Variants in TOLLIP observed in about 807,000 individuals in gnomAD.
TOLLIP encodes the protein toll interacting protein.
In TOLLIP, 16 loss-of-function variants were observed where a neutral mutation model predicts 33.5. The observed-to-expected ratio is 0.48, with a 90% CI of 0.32 to 0.72. The LOEUF is 0.72. Ranked by LOEUF, TOLLIP falls within the 30% of genes least tolerant of loss-of-function variation. The pLI is 0.03. For synonymous variants in TOLLIP, 176 were observed against 163.7 expected (o/e 1.07, Z -0.57); for missense variants, 325 against 396.6 (o/e 0.82, Z 1.53).
In TOLLIP at chr11:1,286,198, C is replaced by T. The variant is rs568580930; in HGVS notation, c.520-106G>A. Reference sequence around the variant, plus strand: ...TGCCCTCCCCACGCCAGCCCAGAATCGCCCTCCCCATGCCAGCCCAGAATC... The same window carrying T: ...TGCCCTCCCCACGCCAGCCCAGAATTGCCCTCCCCATGCCAGCCCAGAATC... On this transcript the variant is annotated intron_variant, in intron 4 of 5. Transcript: ENST00000317204. 2.6e-4 allele frequency: 219 copies of T among 836,236 alleles called. 2 individuals are homozygous for T. In the South Asian group the frequency reaches 3.3e-3, roughly 13 times the overall value. The allele number at this position is 836,236 out of a possible 1,614,324, so 51.8% of individuals were successfully genotyped here. A position where few individuals can be genotyped will look rare whatever the true frequency, so the allele number is the denominator to read the frequency against.
chr11:1,289,398 G>A (rs1420027883), intron 3 of TOLLIP, among the ~76,000 whole-genome samples: 1 of 152,214 alleles, frequency 6.6e-6, no homozygotes, highest in African/African-American at 2.4e-5. Flanking sequence ...GGTGCGAGGT[G>A]CCAGGACCAC....
rs769926714 is a variant in TOLLIP at position 1,309,512 on chromosome 11, C to T, written c.-14G>A. ...GGTGGTCGCCATGGTGCTGCGGCGG[C>T]CCCCGTGGCTCGCCGACCCGACAGT... On this transcript the variant is annotated 5_prime_UTR_variant, in exon 1 of 6. Coordinates refer to ENST00000317204, the MANE Select transcript of TOLLIP (RefSeq NM_019009.4). 2.3e-6 allele frequency: 3 copies of T among 1,299,966 alleles called. No homozygotes were observed. The highest frequency in any genetic ancestry group is 3.3e-5 in the East Asian group (1 of 29,854). The allele number at this position is 1,299,966 out of a possible 1,614,324, so 80.5% of individuals were successfully genotyped here.
intron 1 of TOLLIP, among the ~76,000 whole-genome samples, chr11:1,304,796 GA>G (rs1864381775): frequency 6.6e-6 from 1 of 151,812 alleles, no homozygotes; most frequent in Non-Finnish European, 1.5e-5. Flanking sequence ...AAGGCAATGA[GA>G]GAAAAAAAAT....
chr11:1,275,752 G>C lies in TOLLIP; in HGVS notation c.*1287C>G, dbSNP rs1269268178. ...TGAAACTTAACCTATTTTTTTGAGG[G>C]AGAAAAAGACTAAAATGTAAGCACT... On this transcript the variant is annotated 3_prime_UTR_variant, in exon 6 of 6. Coordinates refer to ENST00000317204, the MANE Select transcript of TOLLIP (RefSeq NM_019009.4). The C allele has an allele frequency of 2.6e-5, 4 of 152,220 alleles. No individual in the cohort carries two copies. In the South Asian group the frequency reaches 6.2e-4, roughly 24 times the overall value. The allele number at this position is 152,220 out of a possible 1,614,324, so 9.4% of individuals were successfully genotyped here. A position where few individuals can be genotyped will look rare whatever the true frequency, so the allele number is the denominator to read the frequency against.
chr11:1,295,314 G>T, intron 2 of TOLLIP: 1 of 226,220 alleles, frequency 4.4e-6, no homozygotes, highest in Non-Finnish European at 8.6e-6. Flanking sequence ...CAGGTGGCGG[G>T]GGTGCCGGCC....
At chr11:1,300,742 T>A (rs548123948) in intron 1 of TOLLIP, among the ~76,000 whole-genome samples, 4 of 152,328 alleles carry the variant, frequency 2.6e-5, no homozygotes, top group African/African-American at 9.6e-5. Flanking sequence ...CCTGAACACA[T>A]GCAGTCCTGG....
chr11:1,295,593 C>T, intron 2 of TOLLIP, 52 bp downstream of exon 2: 1 of 1,441,654 alleles, frequency 6.9e-7, no homozygotes, highest in Non-Finnish European at 9.2e-7. Context: ...GAAATCCCAC[C>T]CCCACCGAGC....
chr11:1,293,493 G>A lies in TOLLIP; in HGVS notation c.183+2152C>T, dbSNP rs548722050. Among the ~76,000 whole-genome samples, 17 of 152,342 alleles carry A rather than the reference G, an allele frequency of 1.1e-4. No individual in the cohort carries two copies. In the East Asian group the frequency reaches 1.5e-3, roughly 14 times the overall value. On this transcript the variant is annotated intron_variant, in intron 2 of 5. Transcript: ENST00000317204. ...CAACAAGGGGAAGCAGCGAGGGGAC[G>A]CAAGCAGGGAACCACCTGTGTGGCC...
At chr11:1,304,402 G>C (rs1463124279) in intron 1 of TOLLIP, among the ~76,000 whole-genome samples, 3 of 152,330 alleles carry the variant, frequency 2.0e-5, no homozygotes, top group Non-Finnish European at 4.4e-5. Context: ...CAAATGGAAG[G>C]CCCGAGACAC....
intron 1 of TOLLIP, among the ~76,000 whole-genome samples, chr11:1,304,034 TAA>T (rs1190313088): frequency 6.0e-4 from 53 of 87,848 alleles, no homozygotes; most frequent in Admixed American, 5.1e-4. Flanking sequence ...AGCCTCCATG[TAA>T]AAAAAAAAAA....
At chr11:1,286,141 A>C (rs1435137276) in intron 4 of TOLLIP, 49 bp from the exon 5 acceptor site, 1 of 1,447,564 alleles carries the variant, frequency 6.9e-7, no homozygotes, top group Admixed American at 2.0e-5. Flanking sequence ...ACATCCACCC[A>C]TCAGAACCTC....
At chr11:1,289,263 G>C (rs1204763918) in intron 3 of TOLLIP, among the ~76,000 whole-genome samples, 1 of 152,202 alleles carries the variant, frequency 6.6e-6, no homozygotes, top group Non-Finnish European at 1.5e-5. Flanking sequence ...AAGCAGGTAG[G>C]GACGGGGAGA....
chr11:1,281,943 C>T (rs548179239), intron 5 of TOLLIP, among the ~76,000 whole-genome samples: 21 of 152,362 alleles, frequency 1.4e-4, no homozygotes, highest in South Asian at 6.2e-4. Context: ...CCGCAGACTT[C>T]GCCCTTCAGC....
chr11:1,280,496 G>C (rs904959845), intron 5 of TOLLIP, among the ~76,000 whole-genome samples: 1 of 152,040 alleles, frequency 6.6e-6, no homozygotes, highest in Non-Finnish European at 1.5e-5. Flanking sequence ...GAGGGACTGC[G>C]CCGGTGAGGA....
intron 1 of TOLLIP, among the ~76,000 whole-genome samples, chr11:1,306,619 G>A (rs908370763): frequency 7.9e-5 from 12 of 152,154 alleles, no homozygotes; most frequent in African/African-American, 2.9e-4. Context: ...ACTGGGTAAA[G>A]GCCCACTATG....
chr11:1,289,575 C>A (rs1430684350), intron 3 of TOLLIP, among the ~76,000 whole-genome samples: 3 of 152,202 alleles, frequency 2.0e-5, no homozygotes, highest in Non-Finnish European at 4.4e-5. Flanking sequence ...GGAAATCCCA[C>A]CTGCTGGTGA....
chr11:1,302,456 G>T, intron 1 of TOLLIP: 2 of 518,544 alleles, frequency 3.9e-6, no homozygotes, highest in Non-Finnish European at 5.0e-6. Flanking sequence ...CACTGCCATT[G>T]CCCTGTAAGT....
At chr11:1,306,782 C>A (rs940722543) in intron 1 of TOLLIP, among the ~76,000 whole-genome samples, 13 of 152,032 alleles carry the variant, frequency 8.6e-5, no homozygotes, top group African/African-American at 2.2e-4. Flanking sequence ...TGCCCAGGAC[C>A]CTCCGGCGGC....
At chr11:1,305,355 G>A (rs1174092376) in intron 1 of TOLLIP, among the ~76,000 whole-genome samples, 2 of 152,322 alleles carry the variant, frequency 1.3e-5, no homozygotes, top group Middle Eastern at 3.4e-3. Flanking sequence ...AGCGGAGACG[G>A]GTAAGTGCCA....
Sources: gnomAD v4.1 joint callset for allele counts (sites outside exome capture counted in the v4.1 genomes callset) on GRCh38, gnomAD v4.1.1 for gene constraint, MANE v1.5 for transcripts, NCBI Gene and HGNC (gene_info 2026-07-23, HGNC 2026-07-21) for gene names.